Variants in GRIP1 observed in about 807,000 individuals in gnomAD.
GRIP1 encodes the protein glutamate receptor-interacting protein 1.
In GRIP1, 45 loss-of-function variants were observed where a neutral mutation model predicts 129.9. The observed-to-expected ratio is 0.35, with a 90% CI of 0.27 to 0.44. The LOEUF (loss-of-function observed/expected upper bound fraction) is 0.44, where lower values mean the gene tolerates loss of function less well. Ranked by LOEUF, GRIP1 falls within the 20% of genes least tolerant of loss-of-function variation. The pLI is 1.00. For missense variants in GRIP1, 1,196 were observed against 1,396.8 expected (o/e 0.86, Z 2.29); for synonymous variants, 530 against 520.8 (o/e 1.02, Z -0.24).
intron 1 of GRIP1, among the ~76,000 whole-genome samples, chr12:66,833,126 C>T (rs780863315): frequency 4.6e-5 from 7 of 152,294 alleles, no homozygotes; most frequent in Admixed American, 2.6e-4. Flanking sequence ...GATGCAGCCA[C>T]CTCCCTGCTG....
chr12:66,449,136 T>A (rs2058707471), intron 11 of GRIP1, among the ~76,000 whole-genome samples: 1 of 152,198 alleles, frequency 6.6e-6, no homozygotes, highest in Non-Finnish European at 1.5e-5. Context: ...TAATACATGG[T>A]CCCGTTTCAG....
intron 1 of GRIP1, among the ~76,000 whole-genome samples, chr12:67,000,004 C>T (rs968825795): frequency 5.3e-5 from 8 of 152,228 alleles, no homozygotes; most frequent in East Asian, 3.9e-4. Flanking sequence ...AAAGATTTCT[C>T]TTTCTTGATT....
At chr12:66,595,067 T>C (rs1390620720) in intron 2 of GRIP1, among the ~76,000 whole-genome samples, 3 of 152,186 alleles carry the variant, frequency 2.0e-5, no homozygotes, top group South Asian at 2.1e-4. Flanking sequence ...CTGTTCTAAA[T>C]AACTAAGAAA....
chr12:66,484,633 C>T (rs960245979), intron 7 of GRIP1, among the ~76,000 whole-genome samples: 2 of 151,830 alleles, frequency 1.3e-5, no homozygotes, highest in African/African-American at 2.4e-5. Context: ...AAGTTGATCT[C>T]GTGGAGGTAG....
At chr12:66,891,650 T>C (rs907350570) in intron 1 of GRIP1, among the ~76,000 whole-genome samples, 4 of 152,116 alleles carry the variant, frequency 2.6e-5, no homozygotes, top group Admixed American at 1.3e-4. Flanking sequence ...CCATGCTCCT[T>C]AAAGACGACA....
chr12:66,591,018 C>T (rs2063831291), intron 2 of GRIP1, among the ~76,000 whole-genome samples: 1 of 152,120 alleles, frequency 6.6e-6, no homozygotes, highest in African/African-American at 2.4e-5. Context: ...TGATCCAATA[C>T]CTAACATTTA....
At chr12:66,455,655 A>C in intron 10 of GRIP1, 91 bp from the exon 11 acceptor site, 1 of 1,178,000 alleles carries the variant, frequency 8.5e-7, no homozygotes, top group Non-Finnish European at 1.3e-6. Context: ...AGAAAGACAC[A>C]CATGATGCAT....
At chr12:67,025,000 G>C (rs2042920363) in intron 1 of GRIP1, among the ~76,000 whole-genome samples, 1 of 152,060 alleles carries the variant, frequency 6.6e-6, no homozygotes, top group Admixed American at 6.6e-5. Context: ...TTTTGAAAGG[G>C]CTCATCTCTA....
At chr12:66,437,977 G>A (rs1417483006) in intron 13 of GRIP1, among the ~76,000 whole-genome samples, 1 of 152,098 alleles carries the variant, frequency 6.6e-6, no homozygotes, top group Admixed American at 6.5e-5. Flanking sequence ...TTGAGCCTCA[G>A]TTTCCCCATT....
In GRIP1 at chr12:66,463,054, G is replaced by A. The variant is rs375844067; in HGVS notation, c.912C>T (p.Ile304=). Residue 304 remains isoleucine, a synonymous_variant, in exon 9 of 25, where the codon ATC becomes ATT. Transcript: ENST00000359742. ...ALHVGDHILS[I]DGTSMEYCTL... ...TACAGTACTCCATGCTGGTTCCATC[G>A]ATGGAGAGGATGTGATCTCCCACAT... The A allele has an allele frequency of 1.7e-5, 27 of 1,613,664 alleles. No individual in the cohort carries two copies. The African/African-American group carries it at 2.3e-4, about 14-fold the overall frequency.
chr12:66,912,557 A>G (rs982070320), intron 1 of GRIP1, among the ~76,000 whole-genome samples: 2 of 152,162 alleles, frequency 1.3e-5, no homozygotes, highest in Non-Finnish European at 2.9e-5. Flanking sequence ...GGAAAAACAA[A>G]TATTTTATTA....
At chr12:66,811,002 A>G (rs931249565) in intron 1 of GRIP1, among the ~76,000 whole-genome samples, 6 of 152,212 alleles carry the variant, frequency 3.9e-5, no homozygotes, top group African/African-American at 1.4e-4. Flanking sequence ...GACAGTGCTT[A>G]CAGTTTGATA....
At chr12:66,831,546 T>C (rs142416481) in intron 1 of GRIP1, among the ~76,000 whole-genome samples, 2 of 152,348 alleles carry the variant, frequency 1.3e-5, no homozygotes, top group Non-Finnish European at 2.9e-5. Flanking sequence ...ATGCTTTATG[T>C]GTGTCCTCAC....
intron 2 of GRIP1, among the ~76,000 whole-genome samples, chr12:66,596,020 A>G (rs2064035445): frequency 6.6e-6 from 1 of 152,172 alleles, no homozygotes. Flanking sequence ...TGTACTCTAA[A>G]ATCCTGTAGC....
intron 14 of GRIP1, among the ~76,000 whole-genome samples, chr12:66,426,958 C>T (rs1396653399): frequency 6.6e-6 from 1 of 152,176 alleles, no homozygotes; most frequent in Non-Finnish European, 1.5e-5. Context: ...CTATTGCATG[C>T]TTTCCAGAGA....
chr12:67,038,922 C>CT (rs2043137004), intron 1 of GRIP1, among the ~76,000 whole-genome samples: 1 of 152,104 alleles, frequency 6.6e-6, no homozygotes, highest in Non-Finnish European at 1.5e-5. Context: ...TACACATGCC[C>CT]TAAAGTACTA....
chr12:66,923,379 A>T lies in GRIP1; in HGVS notation c.58+145671T>A, dbSNP rs147260016. Among the ~76,000 whole-genome samples, 456 of 152,258 alleles carry T rather than the reference A, an allele frequency of 3.0e-3. 4 individuals carry two copies. The highest frequency in any genetic ancestry group is 0.01 in the African/African-American group (429 of 41,542). ...CAAAAAACTTGTCTTGCCATACTGC[A>T]CATTATTTGGCAGTTAGATATCTCA... On this transcript the variant is annotated intron_variant, in intron 1 of 1. Coordinates refer to the GRIP1 transcript ENST00000643019.
rs1250833017 is a variant in GRIP1, at chr12:66,539,544, G to GTTTTTTTTTTTTTTTTTT, written c.273-322_273-321insAAAAAAAAAAAAAAAAAA. ...GCACCATAAAACAAAATCAAGAGAAGCTTTTTTTTTTTTTTTTTTTTTTTT... is the reference window on the plus strand; with the variant it reads ...GCACCATAAAACAAAATCAAGAGAAGTTTTTTTTTTTTTTTTTTCTTTTTTTTTTTTTTTTTTTTTTTT... On this transcript the variant is annotated intron_variant, in intron 3 of 24. Transcript: ENST00000359742. Among the ~76,000 whole-genome samples, 13 of 67,700 alleles carry GTTTTTTTTTTTTTTTTTT rather than the reference G, an allele frequency of 1.9e-4. 2 individuals are homozygous for GTTTTTTTTTTTTTTTTTT. The highest frequency in any genetic ancestry group is 8.0e-4 in the African/African-American group (13 of 16,330). The allele number at this position is 67,700 out of a possible 152,430, so 44.4% of individuals were successfully genotyped here.
intron 1 of GRIP1, among the ~76,000 whole-genome samples, chr12:66,746,566 A>G (rs1438548093): frequency 6.6e-6 from 1 of 152,178 alleles, no homozygotes; most frequent in Admixed American, 6.5e-5. Flanking sequence ...AAGTGGGAAC[A>G]TGTCTTTCTC....
Sources: gnomAD v4.1 joint callset for allele counts (sites outside exome capture counted in the v4.1 genomes callset) on GRCh38, gnomAD v4.1.1 for gene constraint, MANE v1.5 for transcripts, NCBI Gene and HGNC (gene_info 2026-07-23, HGNC 2026-07-21) for gene names.